The following COL22A1 variants were observed in gnomAD, a reference collection of about 807,000 sequenced individuals.
The protein encoded by COL22A1 is collagen alpha-1(XXII) chain.
COL22A1 carries 221 observed loss-of-function variants against 248.9 expected under a neutral mutation model. The ratio of observed to expected loss-of-function variants is 0.89; its 90% CI spans 0.80 to 0.99. The LOEUF (loss-of-function observed/expected upper bound fraction) is 0.99, where lower values mean the gene tolerates loss of function less well. Among genes scored for constraint, COL22A1 ranks in the 50% least tolerant of loss-of-function variants. COL22A1 has a pLI of 0.00. For missense variants in COL22A1, 2,240 were observed against 2,179.0 expected (o/e 1.03, Z -0.56); for synonymous variants, 891 against 793.4 (o/e 1.12, Z -2.07).
Position 138,720,775 on chromosome 8 carries a change from T to A in COL22A1, c.2319A>T (p.Arg773Ser). The change falls in exon 27 of 65, where the codon AGA (arginine) becomes AGT (serine). Residue 773 changes from arginine (R) to serine (S), a missense_variant. Transcript: ENST00000303045. ...PPGTKGEPGE[R>S]GEDGLPGKPG... ...GTTTTCCAGGCAGACCATCTTCCCC[T>A]CTTTCTCCTGGTTCTCCCTGGAAGG... The A allele has an allele frequency of 1.2e-6, 2 of 1,613,868 alleles. No individual in the cohort carries two copies. The highest frequency in any genetic ancestry group is 1.7e-6 in the Non-Finnish European group (2 of 1,179,776).
chr8:138,796,769 G>C, intron 12 of COL22A1, 50 bp downstream of exon 12: 1 of 1,279,058 alleles, frequency 7.8e-7, no homozygotes, highest in South Asian at 1.2e-5. Flanking sequence ...CCAAACCTAA[G>C]TCCTCTGTCC....
chr8:138,837,953 G>T (rs1285876067), intron 4 of COL22A1, among the ~76,000 whole-genome samples: 1 of 152,154 alleles, frequency 6.6e-6, no homozygotes, highest in Non-Finnish European at 1.5e-5. Context: ...TGCCTTGCAG[G>T]GTTGTCACCT....
At chr8:138,623,164 T>C (rs1031910633) in intron 52 of COL22A1, among the ~76,000 whole-genome samples, 1 of 150,446 alleles carries the variant, frequency 6.6e-6, no homozygotes, top group Admixed American at 6.7e-5. Context: ...CCTGGACAGC[T>C]GACATTAAAC....
At chr8:138,708,416 A>G (rs558725333) in intron 30 of COL22A1, among the ~76,000 whole-genome samples, 87 of 152,372 alleles carry the variant, frequency 5.7e-4, no homozygotes, top group African/African-American at 2.0e-3. Flanking sequence ...CCAAAACAGC[A>G]TGGTACTGGT....
chr8:138,843,251 G>T (rs1382428665), intron 4 of COL22A1, among the ~76,000 whole-genome samples: 2 of 152,118 alleles, frequency 1.3e-5, no homozygotes, highest in Non-Finnish European at 2.9e-5. Context: ...ACATGGCAAG[G>T]TCCCTGGGAT....
At chr8:138,746,799 G>A (rs557104115) in intron 22 of COL22A1, among the ~76,000 whole-genome samples, 3 of 152,258 alleles carry the variant, frequency 2.0e-5, no homozygotes, top group South Asian at 2.1e-4. Context: ...CCTGGCATCC[G>A]ACCCGAACCA....
At chr8:138,865,142 G>A (rs1488505598) in intron 3 of COL22A1, among the ~76,000 whole-genome samples, 1 of 152,194 alleles carries the variant, frequency 6.6e-6, no homozygotes, top group African/African-American at 2.4e-5. Context: ...TTTCCCAAGA[G>A]TAGACAGACA....
Position 138,724,551 on chromosome 8 carries a change from G to T in COL22A1, c.2247+64C>A, listed in dbSNP as rs1830150557. The T allele has an allele frequency of 3.3e-6, 5 of 1,509,510 alleles. No individual in the cohort carries two copies. In the South Asian group the frequency reaches 5.8e-5, roughly 17 times the overall value. 93.5% of individuals were successfully genotyped at this position (1,509,510 alleles called of 1,614,324 possible). On this transcript the variant is annotated intron_variant, in intron 25 of 64. Transcript: ENST00000303045. ...GCTCTGGGCCAGCTGCAAGGGCTCA[G>T]TGCTCCCCCCAGAGCAATGGGGAGA...
Position 138,716,839 on chromosome 8 carries a change from G to T in COL22A1, c.2386C>A (p.Arg796=). 6.2e-7 allele frequency: 1 copy of T among 1,610,996 alleles called. No homozygotes were observed. Among genetic ancestry groups the T allele is most frequent in the Non-Finnish European group, 8.5e-7 (1 of 1,177,224 alleles). ...GEIGEQGLAG[R]PGEKGEAGLP... is the part of the protein sequence containing the mutation. ...AACAAACAGACCTTCTCTCCAGGTC[G>T]GCCTGCCAGGCCCTGCTCCCCAATT... is the stretch of plus-strand genomic sequence containing the variant. The change falls in exon 28 of 65, where the codon CGA becomes AGA. Residue 796 remains arginine (R), a synonymous_variant. Transcript: ENST00000303045.
intron 2 of COL22A1, among the ~76,000 whole-genome samples, chr8:138,880,922 G>T (rs1824151062): frequency 6.6e-6 from 1 of 152,228 alleles, no homozygotes; most frequent in Non-Finnish European, 1.5e-5. Context: ...GGGCCCTTTT[G>T]AGCTCAGGGC....
intron 23 of COL22A1, among the ~76,000 whole-genome samples, chr8:138,729,900 G>A (rs1378436237): frequency 6.6e-6 from 1 of 152,172 alleles, no homozygotes; most frequent in Non-Finnish European, 1.5e-5. Context: ...TGGGACTTCA[G>A]CTCTGGCATA....
At chr8:138,626,684 A>T (rs1800405514) in intron 50 of COL22A1, among the ~76,000 whole-genome samples, 1 of 152,166 alleles carries the variant, frequency 6.6e-6, no homozygotes, top group Non-Finnish European at 1.5e-5. Flanking sequence ...ACAAGTGGGG[A>T]GCTGACCGGG....
chr8:138,745,255 CAG>C (rs929088960), intron 22 of COL22A1, among the ~76,000 whole-genome samples: 1 of 151,614 alleles, frequency 6.6e-6, no homozygotes, highest in Non-Finnish European at 1.5e-5. Flanking sequence ...AGCTGAGACT[CAG>C]TGCTACAGAG....
intron 5 of COL22A1, among the ~76,000 whole-genome samples, chr8:138,829,403 G>GTTTTTA (rs1819849679): frequency 1.1e-5 from 1 of 90,640 alleles, no homozygotes; most frequent in Non-Finnish European, 2.0e-5. Context: ...TTCCTTTCCT[G>GTTTTTA]TTTTTTTTTT....
Position 138,690,824 on chromosome 8 carries a change from A to G in COL22A1, c.2805T>C (p.Ser935=). The G allele has an allele frequency of 1.2e-6, 2 of 1,608,934 alleles. No individual in the cohort carries two copies. The highest frequency in any genetic ancestry group is 3.3e-4 in the Middle Eastern group (2 of 6,052). The change falls in exon 36 of 65, where the codon AGT becomes AGC. Residue 935 remains serine, a synonymous_variant. Coordinates refer to ENST00000303045, the MANE Select transcript of COL22A1 (RefSeq NM_152888.3). ...GAPGPSGPPG[S]VGAPGLRGTP... is the part of the protein sequence containing the mutation. ...ATGCCCTCTCCCAATTACTCACCAC[A>G]CTTCCTGGAGGGCCACTGGGACCGG... is the stretch of plus-strand genomic sequence containing the variant.
intron 19 of COL22A1, 71 bp downstream of exon 19, chr8:138,755,714 A>G: frequency 6.7e-7 from 1 of 1,482,140 alleles, no homozygotes; most frequent in African/African-American, 1.4e-5. Flanking sequence ...TTATTCTTAG[A>G]GGTGAAGACT....
At chr8:138,799,026 T>C (rs1232433573) in intron 11 of COL22A1, among the ~76,000 whole-genome samples, 2 of 152,180 alleles carry the variant, frequency 1.3e-5, no homozygotes, top group African/African-American at 4.8e-5. Flanking sequence ...CTATTTTTCA[T>C]TATTTTTTCT....
chr8:138,602,472 C>T lies in COL22A1; in HGVS notation c.4141-313G>A, dbSNP rs373469562. On this transcript the variant is annotated intron_variant, in intron 59 of 64. Transcript: ENST00000303045. Reference sequence around the variant, plus strand: ...TTTAACATGTCCAGGAGGCCCTGCACGAATTGTTGTCTTCAACAGGCTGTC... The same window carrying T: ...TTTAACATGTCCAGGAGGCCCTGCATGAATTGTTGTCTTCAACAGGCTGTC... Among the ~76,000 whole-genome samples the T allele has an allele frequency of 1.1e-4, 16 of 152,268 alleles. No individual in the cohort carries two copies. The East Asian group carries it at 1.5e-3, about 15-fold the overall frequency.
At chr8:138,615,837 G>A (rs756501992) in intron 55 of COL22A1, among the ~76,000 whole-genome samples, 164 bp downstream of exon 55, 5 of 152,166 alleles carry the variant, frequency 3.3e-5, no homozygotes, top group African/African-American at 1.2e-4. Context: ...CACCCACTAG[G>A]TTGGAGGCGC....
Sources: allele counts gnomAD v4.1 joint callset (sites outside exome capture counted in the v4.1 genomes callset), GRCh38; gene constraint gnomAD v4.1.1; transcripts MANE v1.5; gene names NCBI Gene and HGNC (gene_info 2026-07-23, HGNC 2026-07-21).